KCNIP3: variants seen among roughly 807,000 people sequenced by gnomAD.
The protein encoded by KCNIP3 is calsenilin.
In KCNIP3, 28 loss-of-function variants were observed where a neutral mutation model predicts 35.0. That is an observed-to-expected ratio of 0.80 (90% CI 0.59 to 1.10). KCNIP3 has a LOEUF of 1.10. Ranked by LOEUF, KCNIP3 falls within the 50% of genes least tolerant of loss-of-function variation. KCNIP3 has a pLI of 0.00. For synonymous variants in KCNIP3, 134 were observed against 133.8 expected (o/e 1.00, Z -0.01); for missense variants, 295 against 338.4 (o/e 0.87, Z 1.01).
At chr2:95,300,686 G>T (rs1479513439) in intron 1 of KCNIP3, among the ~76,000 whole-genome samples, 1 of 152,230 alleles carries the variant, frequency 6.6e-6, no homozygotes, top group African/African-American at 2.4e-5. Context: ...TCTGAGATCA[G>T]CCCATGCCTT....
intron 2 of KCNIP3, among the ~76,000 whole-genome samples, chr2:95,357,406 C>T (rs1311521718): frequency 6.6e-6 from 1 of 152,144 alleles, no homozygotes; most frequent in Non-Finnish European, 1.5e-5. Context: ...TGCTGGATGC[C>T]CTGCCTGCCT....
At chr2:95,329,037 C>CT (rs1678864119) in intron 2 of KCNIP3, among the ~76,000 whole-genome samples, 1 of 152,216 alleles carries the variant, frequency 6.6e-6, no homozygotes, top group South Asian at 2.1e-4. Context: ...ATGGCTTGGA[C>CT]TGCAGAGACC....
intron 2 of KCNIP3, among the ~76,000 whole-genome samples, chr2:95,352,079 A>G (rs1290079270): frequency 3.3e-5 from 5 of 152,116 alleles, no homozygotes; most frequent in African/African-American, 9.7e-5. Flanking sequence ...CCTGGCCAAC[A>G]TGGTAAAACC....
chr2:95,359,000 G>T (rs1679725696), intron 2 of KCNIP3, among the ~76,000 whole-genome samples: 1 of 152,040 alleles, frequency 6.6e-6, no homozygotes, highest in Admixed American at 6.5e-5. Context: ...TTTAAAAAAA[G>T]GTCCCATCTC....
At chr2:95,305,742 C>T (rs1237555718) in intron 1 of KCNIP3, among the ~76,000 whole-genome samples, 2 of 152,204 alleles carry the variant, frequency 1.3e-5, no homozygotes, top group Non-Finnish European at 2.9e-5. Context: ...TAAATAGAAT[C>T]ACACAGAATG....
intron 2 of KCNIP3, among the ~76,000 whole-genome samples, chr2:95,333,034 T>TG (rs72545158): frequency 1 from 152,383 of 152,384 alleles, 76,191 homozygotes; most frequent in Non-Finnish European, 1. Flanking sequence ...TGACAGCCTC[T>TG]GCTGGGCCTC....
intron 2 of KCNIP3, among the ~76,000 whole-genome samples, chr2:95,317,594 A>T (rs1180515757): frequency 4.6e-5 from 7 of 152,140 alleles, no homozygotes; most frequent in African/African-American, 1.7e-4. Context: ...CAGAGGAGAG[A>T]AGGACAGGCC....
intron 2 of KCNIP3, among the ~76,000 whole-genome samples, chr2:95,354,017 G>A (rs544695739): frequency 6.6e-6 from 1 of 152,232 alleles, no homozygotes; most frequent in South Asian, 2.1e-4. Context: ...GGAAGTGGAG[G>A]ATGCTGTTCT....
intron 2 of KCNIP3, among the ~76,000 whole-genome samples, chr2:95,347,792 C>T (rs1440996567): frequency 6.6e-6 from 1 of 152,236 alleles, no homozygotes; most frequent in Non-Finnish European, 1.5e-5. Flanking sequence ...GCACCTCTGG[C>T]CGTGGGGAAG....
intron 3 of KCNIP3, 125 bp downstream of exon 3, chr2:95,374,545 T>C (rs981312059): frequency 1.3e-5 from 16 of 1,259,722 alleles, no homozygotes; most frequent in Non-Finnish European, 1.7e-5. Flanking sequence ...GTGGGAAAGC[T>C]GTGTGGCGGG....
chr2:95,322,523 G>A (rs1573488841), intron 2 of KCNIP3, among the ~76,000 whole-genome samples: 2 of 152,242 alleles, frequency 1.3e-5, no homozygotes, highest in East Asian at 1.9e-4. Flanking sequence ...CATCAAATGC[G>A]CACAGTGGAG....
intron 2 of KCNIP3, among the ~76,000 whole-genome samples, chr2:95,346,068 C>T (rs1679348511): frequency 6.6e-6 from 1 of 152,244 alleles, no homozygotes; most frequent in African/African-American, 2.4e-5. Flanking sequence ...CCACACTTTC[C>T]CTAAAGCCCC....
At chr2:95,342,760 C>T (rs1439688204) in intron 2 of KCNIP3, among the ~76,000 whole-genome samples, 1 of 152,196 alleles carries the variant, frequency 6.6e-6, no homozygotes, top group Admixed American at 6.5e-5. Context: ...TCTCACTATC[C>T]TGGCTCCCGT....
In KCNIP3 at chr2:95,385,450, G is replaced by A. The variant is rs1033589628; in HGVS notation, c.*1401G>A. 6.5e-5 allele frequency: 10 copies of A among 153,108 alleles called. No individual in the cohort carries two copies. In the South Asian group the frequency reaches 1.4e-3, roughly 22 times the overall value. The allele number at this position is 153,108 out of a possible 1,614,324, so 9.5% of individuals were successfully genotyped here. A position where few individuals can be genotyped will look rare whatever the true frequency, so the allele number is the denominator to read the frequency against. On this transcript the variant is annotated 3_prime_UTR_variant, in exon 9 of 9. Transcript: ENST00000295225. ...CAGAAACCCCCAGGAGGAGAGAGAT[G>A]CTGCTCCCGCCTGATTGGGGCCTCA...
intron 2 of KCNIP3, among the ~76,000 whole-genome samples, chr2:95,356,495 G>T (rs1266507288): frequency 2.0e-5 from 3 of 152,198 alleles, no homozygotes; most frequent in African/African-American, 7.2e-5. Context: ...TAACATTTAA[G>T]TCTTTAATCC....
At chr2:95,351,503 A>G (rs1325442742) in intron 2 of KCNIP3, among the ~76,000 whole-genome samples, 1 of 152,226 alleles carries the variant, frequency 6.6e-6, no homozygotes, top group East Asian at 1.9e-4. Context: ...CTGAGCACCT[A>G]GAAGGTGCAG....
chr2:95,341,023 C>T (rs1285310866), intron 2 of KCNIP3, among the ~76,000 whole-genome samples: 2 of 152,138 alleles, frequency 1.3e-5, no homozygotes, highest in Non-Finnish European at 2.9e-5. Flanking sequence ...TCTGTGCGGC[C>T]CCTGGGGGTC....
intron 5 of KCNIP3, among the ~76,000 whole-genome samples, chr2:95,380,541 C>T (rs1160890119): frequency 6.6e-6 from 1 of 152,156 alleles, no homozygotes; most frequent in Admixed American, 6.6e-5. Context: ...GGGAGGGTTT[C>T]ACCTTTAAAC....
chr2:95,382,342 C>T lies in KCNIP3; in HGVS notation c.556-35C>T, dbSNP rs773822132. 44 of 1,453,974 alleles carry T rather than the reference C, an allele frequency of 3.0e-5. No homozygotes were observed. The highest frequency in any genetic ancestry group is 3.9e-5 in the Non-Finnish European group (42 of 1,070,262). The allele number at this position is 1,453,974 out of a possible 1,614,324, so 90.1% of individuals were successfully genotyped here. ...CTTTGGGCCCTCACAGCCACCCCGG[C>T]CTTGCAGCAGGCTCATGCCAGCCTC... On this transcript the variant is annotated intron_variant, in intron 6 of 8. Coordinates refer to ENST00000295225, the MANE Select transcript of KCNIP3 (RefSeq NM_013434.5). This position sits in a 1 kb window ranked among gnomAD's most constrained non-coding sequence, Gnocchi z 4.5.
Sources: allele counts gnomAD v4.1 joint callset (sites outside exome capture counted in the v4.1 genomes callset), GRCh38; gene constraint gnomAD v4.1.1; non-coding constraint Gnocchi (gnomAD v3.1); transcripts MANE v1.5; gene names NCBI Gene and HGNC (gene_info 2026-07-23, HGNC 2026-07-21).